Variants in ADARB2 observed in about 807,000 individuals in gnomAD.
ADARB2 encodes adenosine deaminase RNA specific B2 (inactive).
Under a neutral mutation model 62.2 loss-of-function variants are expected in ADARB2, and 25 were observed. The observed-to-expected ratio is 0.40, with a 90% confidence interval of 0.29 to 0.56. The LOEUF (loss-of-function observed/expected upper bound fraction) is 0.56. Ranked by LOEUF, ADARB2 falls within the 20% of genes least tolerant of loss-of-function variation. The pLI is 0.43. For missense variants in ADARB2, 1,071 were observed against 1,077.4 expected, an observed-to-expected ratio of 0.99 and a Z score of 0.08; for synonymous variants, 572 against 500.8, an observed-to-expected ratio of 1.14 and a Z score of -1.90.
chr10:1,352,891 C>T (rs957510460), intron 3 of ADARB2, among the ~76,000 whole-genome samples: 1 of 152,156 alleles, frequency 6.6e-6, no homozygotes, highest in African/African-American at 2.4e-5. Flanking sequence ...TTTCCTTCTT[C>T]CCTGTTCCTC....
chr10:1,220,249 G>GTGGTGA (rs1554745198), intron 6 of ADARB2, among the ~76,000 whole-genome samples: 1 of 139,332 alleles, frequency 7.2e-6, no homozygotes, highest in Admixed American at 7.4e-5. Context: ...GATAATGGTG[G>GTGGTGA]TGGTGGTGAT....
chr10:1,373,166 C>A (rs1832387540), intron 2 of ADARB2, among the ~76,000 whole-genome samples: 1 of 152,122 alleles, frequency 6.6e-6, no homozygotes, highest in Admixed American at 6.5e-5. Flanking sequence ...CAAAACAGAT[C>A]CCGACTTGAC....
At chr10:1,215,285 C>T (rs1467134479) in intron 7 of ADARB2, among the ~76,000 whole-genome samples, 1 of 152,228 alleles carries the variant, frequency 6.6e-6, no homozygotes, top group Non-Finnish European at 1.5e-5. Context: ...TGTGCTAGAA[C>T]CCCTGGGTGG....
chr10:1,444,816 C>A (rs1400016473), intron 1 of ADARB2, among the ~76,000 whole-genome samples: 3 of 148,086 alleles, frequency 2.0e-5, no homozygotes, highest in African/African-American at 7.4e-5. Flanking sequence ...CTTCCATACA[C>A]CCAGCCATCC....
chr10:1,265,400 T>G (rs906774207), intron 4 of ADARB2, among the ~76,000 whole-genome samples: 2 of 152,238 alleles, frequency 1.3e-5, no homozygotes, highest in African/African-American at 4.8e-5. Flanking sequence ...GTAAGTATTG[T>G]AGGGGTTCAA....
intron 1 of ADARB2, among the ~76,000 whole-genome samples, chr10:1,427,711 G>T (rs1445386188): frequency 6.6e-6 from 1 of 152,198 alleles, no homozygotes; most frequent in Admixed American, 6.5e-5. Flanking sequence ...TGACCCAGAG[G>T]TCACATTTTT....
At position 1,381,173 on chromosome 10, in the gene ADARB2, TACACAC is replaced by T. The variant is rs57463053; in HGVS notation, c.101-2019_101-2014del. Among the ~76,000 whole-genome samples, 459 of 151,588 alleles carry T rather than the reference TACACAC, an allele frequency of 3.0e-3. 1 individual carries two copies. In the Middle Eastern group the frequency reaches 0.041, roughly 13 times the overall value. ...ACACACACATATATATTTGTGCATA[TACACAC>T]ACACACACACACACACATATATACT... On this transcript the variant is annotated intron_variant, in intron 1 of 9. Coordinates refer to ENST00000381312, the MANE Select transcript of ADARB2 (RefSeq NM_018702.4).
At chr10:1,302,776 C>G (rs1384933999) in intron 3 of ADARB2, among the ~76,000 whole-genome samples, 2 of 152,342 alleles carry the variant, frequency 1.3e-5, no homozygotes, top group African/African-American at 4.8e-5. Context: ...ACACTGACAC[C>G]TCACACTACA....
At chr10:1,444,664 T>TCATC (rs1172201443) in intron 1 of ADARB2, among the ~76,000 whole-genome samples, 9 of 142,190 alleles carry the variant, frequency 6.3e-5, no homozygotes, top group Admixed American at 2.8e-4. Flanking sequence ...ATTCACTCAT[T>TCATC]CATCCATCCA....
chr10:1,205,714 G>A (rs1388125239), intron 7 of ADARB2, among the ~76,000 whole-genome samples: 2 of 152,286 alleles, frequency 1.3e-5, no homozygotes, highest in East Asian at 3.9e-4. Context: ...TGCTGGAGCA[G>A]AGACCTTGGC....
At chr10:1,575,561 C>T (rs905222311) in intron 1 of ADARB2, among the ~76,000 whole-genome samples, 3 of 152,254 alleles carry the variant, frequency 2.0e-5, no homozygotes, top group Non-Finnish European at 4.4e-5. Flanking sequence ...TGTTTGCACA[C>T]ACTGGAGACA....
At chr10:1,267,493 C>G (rs1281193205) in intron 4 of ADARB2, among the ~76,000 whole-genome samples, 2 of 152,202 alleles carry the variant, frequency 1.3e-5, no homozygotes, top group African/African-American at 2.4e-5. Flanking sequence ...AGAGCACGTG[C>G]CTCGATGGGC....
intron 1 of ADARB2, among the ~76,000 whole-genome samples, chr10:1,387,386 AAAC>A (rs1268552525): frequency 6.6e-6 from 1 of 151,990 alleles, no homozygotes; most frequent in Non-Finnish European, 1.5e-5. Context: ...AAGGAGAAAA[AAAC>A]TTCCATGTTT....
intron 1 of ADARB2, among the ~76,000 whole-genome samples, chr10:1,734,218 C>T (rs545120054): frequency 9.9e-5 from 15 of 151,130 alleles, no homozygotes; most frequent in African/African-American, 2.7e-4. Flanking sequence ...TTCTGAGAAC[C>T]TTCTTTAAAG....
Position 1,363,221 on chromosome 10 carries a change from A to G in ADARB2, c.884T>C (p.Leu295Pro). 6.9e-7 allele frequency: 1 copy of G among 1,450,470 alleles called. No homozygotes were observed. The highest frequency in any genetic ancestry group is 9.1e-7 in the Non-Finnish European group (1 of 1,102,006). 89.8% of individuals were successfully genotyped at this position (1,450,470 alleles called of 1,614,324 possible). A position where few individuals can be genotyped will look rare whatever the true frequency, so the allele number is the denominator to read the frequency against. Residue 295 changes from leucine to proline, a missense_variant, in exon 3 of 10, where the codon CTG becomes CCG. Leu to Pro is a moderately conservative substitution (Grantham distance 98). Transcript: ENST00000381312. ...CGCGCGCCGCTCGGCCGGTTCTGCC[A>G]GACACACGTAGCGCAGCCCGGCGCG... The part of the protein sequence containing the change: ...RLRAGLRYVC[L>P]AEPAERRARS...
chr10:1,596,620 C>T (rs1393804024), intron 1 of ADARB2, among the ~76,000 whole-genome samples: 1 of 152,142 alleles, frequency 6.6e-6, no homozygotes, highest in Admixed American at 6.5e-5. Context: ...TGGGGAGGTG[C>T]CGAGGATGGA....
At position 1,428,880 on chromosome 10, in the gene ADARB2, C is replaced by T. The variant is rs181300612; in HGVS notation, c.101-49720G>A. 1.6e-3 allele frequency among the ~76,000 whole-genome samples: 247 copies of T among 151,936 alleles called. 1 individual carries two copies. Among genetic ancestry groups the T allele is most frequent in the Admixed American group, 4.4e-3 (67 of 15,268 alleles). On this transcript the variant is annotated intron_variant, in intron 1 of 9. Transcript: ENST00000381312. ...ACACACACGGACACACACACACACA[C>T]GGACACACACACACACACGGACAAG... is the stretch of plus-strand genomic sequence containing the variant.
At chr10:1,608,998 C>A (rs1158240795) in intron 1 of ADARB2, among the ~76,000 whole-genome samples, 1 of 152,122 alleles carries the variant, frequency 6.6e-6, no homozygotes, top group Non-Finnish European at 1.5e-5. Flanking sequence ...GCTGCCCCTG[C>A]GGATTGCACG....
At chr10:1,355,173 C>T (rs960670865) in intron 3 of ADARB2, among the ~76,000 whole-genome samples, 1 of 151,024 alleles carries the variant, frequency 6.6e-6, no homozygotes, top group Non-Finnish European at 1.5e-5. Context: ...GTCAGCCCAC[C>T]GTGGTTTCTC....
Sources: gnomAD v4.1 joint callset for allele counts (sites outside exome capture counted in the v4.1 genomes callset) on GRCh38, gnomAD v4.1.1 for gene constraint, MANE v1.5 for transcripts, NCBI Gene and HGNC (gene_info 2026-07-23, HGNC 2026-07-21) for gene names.